Variants in CA10 observed in about 807,000 individuals in gnomAD.
CA10 encodes the protein carbonic anhydrase-related protein 10.
In CA10, 14 loss-of-function variants were observed where a neutral mutation model predicts 44.2. That is an observed-to-expected ratio of 0.32 (90% CI 0.21 to 0.50). The LOEUF is 0.50. CA10 is among the 20% of genes least tolerant of loss of function. The pLI is 0.99. For synonymous variants in CA10, 159 were observed against 141.6 expected, an observed-to-expected ratio of 1.12 and a Z score of -0.87; for missense variants, 350 against 409.7, an observed-to-expected ratio of 0.85 and a Z score of 1.26.
At chr17:51,690,384 C>T (rs941941602) in intron 4 of CA10, among the ~76,000 whole-genome samples, 25 of 152,328 alleles carry the variant, frequency 1.6e-4, no homozygotes, top group Middle Eastern at 3.4e-3. Context: ...CAACCTTCCT[C>T]CAGCCTCTGG....
intron 2 of CA10, among the ~76,000 whole-genome samples, chr17:52,041,974 C>G (rs540212639): frequency 1.4e-4 from 22 of 152,094 alleles, no homozygotes; most frequent in Non-Finnish European, 2.1e-4. Flanking sequence ...GAGAAAATCA[C>G]ATGTTCTTTA....
At chr17:51,792,714 A>T (rs947054345) in intron 3 of CA10, among the ~76,000 whole-genome samples, 3 of 152,244 alleles carry the variant, frequency 2.0e-5, no homozygotes, top group Non-Finnish European at 4.4e-5. Flanking sequence ...GGTCTGCATT[A>T]TACAGTGAGG....
At chr17:51,715,367 AT>A (rs1916072427) in intron 4 of CA10, among the ~76,000 whole-genome samples, 1 of 152,080 alleles carries the variant, frequency 6.6e-6, no homozygotes, top group Non-Finnish European at 1.5e-5. Context: ...TAATAATAAA[AT>A]TTAAAAAAAA....
rs1459075529 is a variant in CA10 at position 52,121,619 on chromosome 17, A to C, written c.61+36107T>G. 2.0e-5 allele frequency among the ~76,000 whole-genome samples: 3 copies of C among 152,168 alleles called. No individual in the cohort carries two copies. The East Asian group carries it at 5.8e-4, about 30-fold the overall frequency. On this transcript the variant is annotated intron_variant, in intron 1 of 8. Transcript: ENST00000451037. ...CCTCAGTAGAGATCCTCTGGAAATC[A>C]CATAAAATGGAAAAAAATGAGGGAA...
At chr17:51,842,991 G>C (rs990651637) in intron 3 of CA10, among the ~76,000 whole-genome samples, 6 of 152,206 alleles carry the variant, frequency 3.9e-5, no homozygotes, top group Non-Finnish European at 8.8e-5. Context: ...TAAGTACAGT[G>C]ACCATCTCCA....
chr17:52,027,372 G>A (rs1986334163), intron 2 of CA10, among the ~76,000 whole-genome samples: 1 of 152,044 alleles, frequency 6.6e-6, no homozygotes, highest in Non-Finnish European at 1.5e-5. Flanking sequence ...TAGAGGGTGG[G>A]GGTGTTGGAG....
At chr17:51,779,235 T>G (rs1014447756) in intron 3 of CA10, among the ~76,000 whole-genome samples, 2 of 152,112 alleles carry the variant, frequency 1.3e-5, no homozygotes, top group African/African-American at 4.8e-5. Flanking sequence ...GGCTCCCTGT[T>G]TGTTACCCCT....
intron 4 of CA10, among the ~76,000 whole-genome samples, chr17:51,710,217 T>C (rs1347099824): frequency 1.3e-5 from 2 of 152,202 alleles, no homozygotes; most frequent in African/African-American, 4.8e-5. Flanking sequence ...CATAATTTTG[T>C]GCTGAACAGA....
intron 4 of CA10, among the ~76,000 whole-genome samples, chr17:51,726,618 C>G (rs1916532098): frequency 6.6e-6 from 1 of 152,168 alleles, no homozygotes; most frequent in African/African-American, 2.4e-5. Flanking sequence ...GTAGCATTAT[C>G]TGTCTATACT....
chr17:51,948,360 G>T (rs1326904583), intron 2 of CA10, among the ~76,000 whole-genome samples: 1 of 152,118 alleles, frequency 6.6e-6, no homozygotes, highest in East Asian at 1.9e-4. Flanking sequence ...CCAGCGATGG[G>T]TCATTGCCCT....
At chr17:51,708,996 T>A (rs1157028681) in intron 4 of CA10, among the ~76,000 whole-genome samples, 1 of 152,226 alleles carries the variant, frequency 6.6e-6, no homozygotes, top group Non-Finnish European at 1.5e-5. Flanking sequence ...TTGTGGGACT[T>A]CACCTTGTGA....
chr17:51,666,962 G>A (rs528948068), intron 4 of CA10, among the ~76,000 whole-genome samples: 6 of 152,204 alleles, frequency 3.9e-5, no homozygotes, highest in African/African-American at 1.4e-4. Context: ...TCCAATTATT[G>A]GAAAATAAAT....
chr17:52,108,193 T>A (rs1384757114), intron 1 of CA10, among the ~76,000 whole-genome samples: 5 of 37,928 alleles, frequency 1.3e-4, no homozygotes, highest in Non-Finnish European at 1.9e-4. Flanking sequence ...ATATATATTT[T>A]TTATATATAT....
At chr17:51,873,647 C>G (rs999289479) in intron 3 of CA10, among the ~76,000 whole-genome samples, 1 of 152,172 alleles carries the variant, frequency 6.6e-6, no homozygotes, top group East Asian at 1.9e-4. Flanking sequence ...CACTGCAGCA[C>G]AATTCTAGTG....
rs74608640 is a variant in CA10, at chr17:52,110,745, C to G, written c.62-38352G>C. 2.4e-3 allele frequency among the ~76,000 whole-genome samples: 368 copies of G among 152,264 alleles called. 12 individuals are homozygous for G. The East Asian group carries it at 0.034, about 14-fold the overall frequency. ...GGGTCCAGCCATTTCTATCCTCCCC[C>G]CATTCAAACCCTCCATATCCATTGG... is the stretch of plus-strand genomic sequence containing the variant. On this transcript the variant is annotated intron_variant, in intron 1 of 8. Transcript: ENST00000451037.
chr17:51,808,154 A>G (rs1907204506), intron 3 of CA10, among the ~76,000 whole-genome samples: 1 of 152,220 alleles, frequency 6.6e-6, no homozygotes, highest in African/African-American at 2.4e-5. Flanking sequence ...CAGCCTAGCC[A>G]TAAGCTCTGC....
chr17:51,938,794 G>C (rs1052263864), intron 2 of CA10, among the ~76,000 whole-genome samples: 1 of 152,022 alleles, frequency 6.6e-6, no homozygotes, highest in Non-Finnish European at 1.5e-5. Context: ...CTAGGAACTT[G>C]ACACATCTTA....
chr17:51,746,569 CT>C (rs1419376543), intron 4 of CA10, among the ~76,000 whole-genome samples: 3 of 152,208 alleles, frequency 2.0e-5, no homozygotes, highest in Non-Finnish European at 4.4e-5. Flanking sequence ...TTGCCAGGGC[CT>C]TTGTACATCC....
At chr17:52,044,909 G>C (rs2144198302) in intron 2 of CA10, among the ~76,000 whole-genome samples, 1 of 151,282 alleles carries the variant, frequency 6.6e-6, no homozygotes, top group Non-Finnish European at 1.5e-5. Flanking sequence ...GGTAACAACT[G>C]TGAAGAAATC....
Sources: allele counts gnomAD v4.1 joint callset (sites outside exome capture counted in the v4.1 genomes callset), GRCh38; gene constraint gnomAD v4.1.1; transcripts MANE v1.5; gene names NCBI Gene and HGNC (gene_info 2026-07-23, HGNC 2026-07-21).